The following CYREN variants were observed in gnomAD, a reference collection of about 807,000 sequenced individuals.
CYREN encodes the protein cell cycle regulator of non-homologous end joining.
CYREN carries 7 observed loss-of-function variants against 9.7 expected under a neutral mutation model. The ratio of observed to expected loss-of-function variants is 0.72; its 90% CI spans 0.41 to 1.36. CYREN has a LOEUF of 1.36. CYREN is among the 40% of genes most tolerant of loss of function. The probability of loss-of-function intolerance (pLI) is 0.01; values close to 1 mark genes in which losing one functional copy is unlikely to be tolerated. For missense variants in CYREN, 215 were observed against 198.1 expected (o/e 1.09, Z -0.51); for synonymous variants, 76 against 77.9 (o/e 0.98, Z 0.13).
At chr7:135,096,758 A>AGAAAGAAG (rs1822919496) in intron 2 of CYREN, among the ~76,000 whole-genome samples, 1 of 147,688 alleles carries the variant, frequency 6.8e-6, no homozygotes, top group Non-Finnish European at 1.5e-5. Flanking sequence ...AAAGAAAGAA[A>AGAAAGAAG]GAAAGAAAGA....
chr7:135,152,705 C>T (rs1181711058), intron 2 of CYREN: 4 of 152,182 alleles, frequency 2.6e-5, no homozygotes, highest in Non-Finnish European at 4.4e-5. Context: ...GCAAGTTCTT[C>T]CCTCCCTGGT....
chr7:135,122,667 C>T (rs1827302890), intron 2 of CYREN, among the ~76,000 whole-genome samples: 1 of 152,156 alleles, frequency 6.6e-6, no homozygotes, highest in South Asian at 2.1e-4. Context: ...GGTCAGAGAT[C>T]CCAGAAGAAG....
At chr7:135,144,952 A>AAAAAT in intron 2 of CYREN, among the ~76,000 whole-genome samples, 1 of 146,970 alleles carries the variant, frequency 6.8e-6, no homozygotes, top group Non-Finnish European at 1.5e-5. Context: ...AAAAAAAAAA[A>AAAAAT]AAAAAAAAAA....
chr7:135,102,556 T>C (rs1419131309), intron 2 of CYREN, among the ~76,000 whole-genome samples: 1 of 151,914 alleles, frequency 6.6e-6, no homozygotes, highest in African/African-American at 2.4e-5. Context: ...CAGTAGACCA[T>C]TTCATGAAGG....
At chr7:135,140,401 T>G (rs1829431277) in intron 2 of CYREN, among the ~76,000 whole-genome samples, 1 of 144,504 alleles carries the variant, frequency 6.9e-6, no homozygotes, top group South Asian at 2.2e-4. Context: ...TTGATTTTTG[T>G]ACATTGATTT....
chr7:135,147,523 C>A (rs887897599), intron 2 of CYREN, among the ~76,000 whole-genome samples: 1 of 152,140 alleles, frequency 6.6e-6, no homozygotes, highest in African/African-American at 2.4e-5. Flanking sequence ...AAAATAAAAG[C>A]TTTGTTCGGC....
chr7:135,123,189 G>A (rs1827384773), intron 2 of CYREN, among the ~76,000 whole-genome samples: 1 of 152,182 alleles, frequency 6.6e-6, no homozygotes, highest in Non-Finnish European at 1.5e-5. Context: ...AACCAGTTTA[G>A]AGAGGAACAT....
intron 2 of CYREN, chr7:135,129,115 T>G: frequency 6.4e-7 from 1 of 1,555,016 alleles, no homozygotes; most frequent in Non-Finnish European, 8.9e-7. Context: ...AAAGAGCTAG[T>G]GGAAGCAGAG....
chr7:135,160,748 C>CA (rs1455420935), intron 2 of CYREN, among the ~76,000 whole-genome samples: 10 of 137,596 alleles, frequency 7.3e-5, no homozygotes, highest in Middle Eastern at 3.8e-3. Flanking sequence ...AAAAAAAAAA[C>CA]AAAAAAAAGA....
intron 2 of CYREN, among the ~76,000 whole-genome samples, chr7:135,108,618 C>T (rs1280784422): frequency 1.3e-5 from 2 of 152,132 alleles, no homozygotes; most frequent in Non-Finnish European, 2.9e-5. Flanking sequence ...TTTCTCTCTA[C>T]CTGCCTTTAA....
chr7:135,093,693 T>C (rs1284573861), exon 3 of CYREN: 1 of 152,200 alleles, frequency 6.6e-6, no homozygotes, highest in Non-Finnish European at 1.5e-5. Context: ...CTCAAATTGA[T>C]AGATTCAGTG....
intron 2 of CYREN, among the ~76,000 whole-genome samples, chr7:135,095,614 A>G (rs1050696998): frequency 1.3e-5 from 2 of 152,186 alleles, no homozygotes; most frequent in African/African-American, 4.8e-5. Context: ...CAAAAGCCAT[A>G]TGTTATCTTT....
intron 2 of CYREN, among the ~76,000 whole-genome samples, chr7:135,102,792 C>A (rs1313551809): frequency 2.0e-5 from 3 of 151,912 alleles, no homozygotes; most frequent in Non-Finnish European, 4.4e-5. Context: ...GATCATAGAT[C>A]TAAATATCTA....
At position 135,168,982 on chromosome 7, in the gene CYREN, C is replaced by G. The variant is rs986595709; in HGVS notation, c.-60G>C. The G allele has an allele frequency of 3.4e-6, 5 of 1,463,852 alleles. No homozygotes were observed. The highest frequency in any genetic ancestry group is 4.6e-6 in the Non-Finnish European group (5 of 1,097,616). The allele number at this position is 1,463,852 out of a possible 1,614,324, so 90.7% of individuals were successfully genotyped here. A position where few individuals can be genotyped will look rare whatever the true frequency, so the allele number is the denominator to read the frequency against. ...AAGCTTAATGACCTGTTTTTTAATT[C>G]AGGAAGGTAAATCTCGTTCTCTCGT... On this transcript the variant is annotated 5_prime_UTR_variant, in exon 2 of 4. Transcript: ENST00000393114.
chr7:135,155,044 A>G (rs1045974941), intron 2 of CYREN, among the ~76,000 whole-genome samples: 4 of 152,180 alleles, frequency 2.6e-5, no homozygotes, highest in African/African-American at 9.6e-5. Context: ...ATTTAGGACT[A>G]TTATATCGTC....
chr7:135,109,224 T>G (rs745910360), intron 2 of CYREN, among the ~76,000 whole-genome samples: 36 of 152,224 alleles, frequency 2.4e-4, no homozygotes, highest in Non-Finnish European at 4.3e-4. Context: ...GTTGGAGAAC[T>G]GATGCAGTCA....
At chr7:135,128,120 C>A (rs1207334689) in intron 2 of CYREN, among the ~76,000 whole-genome samples, 1 of 151,512 alleles carries the variant, frequency 6.6e-6, no homozygotes, top group Non-Finnish European at 1.5e-5. Context: ...GGTGAAACCC[C>A]GTCTCTACTA....
chr7:135,094,572 T>A (rs73442109), exon 3 of CYREN: 236 of 456,002 alleles, frequency 5.2e-4, no homozygotes, highest in African/African-American at 4.5e-3. Context: ...AAGAAAGACC[T>A]CTTAGTTGCT....
intron 2 of CYREN, among the ~76,000 whole-genome samples, chr7:135,147,614 G>C (rs1829572719): frequency 6.6e-6 from 1 of 152,154 alleles, no homozygotes; most frequent in Admixed American, 6.5e-5. Flanking sequence ...AGGACACAAA[G>C]TTTTGTGTCC....
Sources: allele counts gnomAD v4.1 joint callset (sites outside exome capture counted in the v4.1 genomes callset), GRCh38; gene constraint gnomAD v4.1.1; transcripts MANE v1.5; gene names NCBI Gene and HGNC (gene_info 2026-07-23, HGNC 2026-07-21).